UTS2B: variants seen among roughly 807,000 people sequenced by gnomAD.
The protein encoded by UTS2B is urotensin 2B, also known as urotensin-2B.
UTS2B carries 21 observed loss-of-function variants against 19.2 expected under a neutral mutation model. The observed-to-expected ratio is 1.09, with a 90% CI of 0.78 to 1.58. The LOEUF is 1.58. UTS2B is among the 40% of genes most tolerant of loss of function. The probability of loss-of-function intolerance (pLI) is 0.00; values close to 1 mark genes in which losing one functional copy is unlikely to be tolerated. For missense variants in UTS2B, 138 were observed against 130.3 expected (o/e 1.06, Z -0.29); for synonymous variants, 57 against 50.2 (o/e 1.14, Z -0.58).
Position 191,279,549 on chromosome 3 carries a change from T to G in UTS2B, c.104-1379A>C, listed in dbSNP as rs9290983. 1.0e-2 allele frequency among the ~76,000 whole-genome samples: 1,516 copies of G among 152,150 alleles called. 22 individuals are homozygous for G. Among genetic ancestry groups the G allele is most frequent in the African/African-American group, 0.034 (1,399 of 41,552 alleles). On this transcript the variant is annotated intron_variant, in intron 5 of 8. Transcript: ENST00000340524. ...CATTACCTTCAATTTAGAAAATGTA[T>G]ATGACTAAGAGTAATGTAACTAGAA...
chr3:191,330,684 T>C (rs1717950639), upstream of UTS2B: 1 of 152,204 alleles, frequency 6.6e-6, no homozygotes, highest in South Asian at 2.1e-4. Context: ...GTCTTGGAGA[T>C]GTGGAATTGA....
At chr3:191,301,676 A>G (rs1717006355) in intron 4 of UTS2B, among the ~76,000 whole-genome samples, 1 of 150,868 alleles carries the variant, frequency 6.6e-6, no homozygotes, top group African/African-American at 2.4e-5. Context: ...TTTTTAGTAG[A>G]GACGGGGTTT....
At chr3:191,276,443 G>T (rs1055783978) in intron 7 of UTS2B, among the ~76,000 whole-genome samples, 5 of 152,138 alleles carry the variant, frequency 3.3e-5, no homozygotes, top group Non-Finnish European at 5.9e-5. Context: ...GGGGAAAAAA[G>T]ATTCCCACTG....
intron 4 of UTS2B, among the ~76,000 whole-genome samples, chr3:191,290,788 C>T (rs1474414949): frequency 6.6e-6 from 1 of 152,166 alleles, no homozygotes; most frequent in Non-Finnish European, 1.5e-5. Flanking sequence ...CTTTAAGATT[C>T]ACTTGCATCT....
At chr3:191,310,897 ATATAT>A (rs1166243104) in intron 3 of UTS2B, among the ~76,000 whole-genome samples, 6 of 152,272 alleles carry the variant, frequency 3.9e-5, no homozygotes, top group African/African-American at 1.2e-4. Context: ...TTCCTTCGAA[ATATAT>A]TATTTATTTG....
At chr3:191,295,031 A>AAAC (rs72344345) in intron 4 of UTS2B, among the ~76,000 whole-genome samples, 24 of 151,214 alleles carry the variant, frequency 1.6e-4, no homozygotes, top group East Asian at 2.0e-4. Context: ...ACTCCGTCTT[A>AAAC]AACAACAACA....
intron 3 of UTS2B, among the ~76,000 whole-genome samples, chr3:191,306,140 G>A (rs893800806): frequency 6.6e-6 from 1 of 152,068 alleles, no homozygotes; most frequent in Admixed American, 6.6e-5. Context: ...GGATTGCTGT[G>A]GCTATTCGGG....
chr3:191,338,074 G>C, the UTS2B span, among the ~76,000 whole-genome samples: 2 of 152,036 alleles, frequency 1.3e-5, no homozygotes, highest in Non-Finnish European at 2.9e-5. Context: ...TAAAGGCTTA[G>C]TCATTTTCCA....
intron 7 of UTS2B, 58 bp from the exon 8 acceptor site, chr3:191,275,403 G>A (rs1005407577): frequency 4.4e-5 from 63 of 1,423,040 alleles, no homozygotes; most frequent in Admixed American, 8.4e-5. Flanking sequence ...GCTGTTGACC[G>A]GGCGCGGTGG....
chr3:191,345,126 C>G, the UTS2B span, among the ~76,000 whole-genome samples: 1 of 152,206 alleles, frequency 6.6e-6, no homozygotes, highest in Non-Finnish European at 1.5e-5. Context: ...AGAAAGGAAG[C>G]TTAACTTGAG....
intron 1 of UTS2B, chr3:191,329,591 C>T (rs1717874066): frequency 6.9e-7 from 1 of 1,455,336 alleles, no homozygotes; most frequent in Admixed American, 2.0e-5. Context: ...GCGTCCGGCG[C>T]TGCTGCTGCG....
chr3:191,289,389 A>T (rs867241762), intron 4 of UTS2B, among the ~76,000 whole-genome samples: 2 of 150,464 alleles, frequency 1.3e-5, no homozygotes, highest in African/African-American at 4.9e-5. Context: ...GGCCTGGGCA[A>T]CAGACCAAGA....
At position 191,267,281 on chromosome 3, in the gene UTS2B, T is replaced by C. The variant is rs1024517491; in HGVS notation, c.*1135A>G. ...ACAATAGATACAGCATTTTCAACTC[T>C]AGCTCTACAAAACCATTTTGATAGT... On this transcript the variant is annotated 3_prime_UTR_variant, in exon 9 of 9. Coordinates refer to ENST00000340524, the MANE Select transcript of UTS2B (RefSeq NM_198152.5). The C allele has an allele frequency of 5.3e-5, 8 of 152,228 alleles. No homozygotes were observed. The highest frequency in any genetic ancestry group is 1.9e-4 in the African/African-American group (8 of 41,460). 9.4% of individuals were successfully genotyped at this position (152,228 alleles called of 1,614,324 possible). A position where few individuals can be genotyped will look rare whatever the true frequency, so the allele number is the denominator to read the frequency against.
intron 8 of UTS2B, among the ~76,000 whole-genome samples, chr3:191,274,425 C>T (rs1452193286): frequency 6.6e-6 from 1 of 152,144 alleles, no homozygotes; most frequent in East Asian, 1.9e-4. Flanking sequence ...AGATTATTAT[C>T]ATTATCCGCA....
At chr3:191,279,201 C>T (rs1431508612) in intron 5 of UTS2B, among the ~76,000 whole-genome samples, 1 of 151,868 alleles carries the variant, frequency 6.6e-6, no homozygotes, top group African/African-American at 2.4e-5. Flanking sequence ...CTACATTAAC[C>T]AAAGATACCT....
chr3:191,305,934 C>T (rs543189817), intron 3 of UTS2B, among the ~76,000 whole-genome samples: 54 of 151,928 alleles, frequency 3.6e-4, no homozygotes, highest in African/African-American at 1.2e-3. Context: ...TTCCCCGTTG[C>T]TTTTTTTTGG....
intron 4 of UTS2B, among the ~76,000 whole-genome samples, chr3:191,289,434 AT>A: frequency 4.1e-5 from 6 of 145,038 alleles, no homozygotes; most frequent in Non-Finnish European, 9.2e-5. Context: ...AAATAAATAA[AT>A]AAATAAATAA....
chr3:191,329,484 C>T (rs1291304842), intron 1 of UTS2B: 4 of 514,822 alleles, frequency 7.8e-6, no homozygotes, highest in South Asian at 6.4e-5. Context: ...AGCTTGGTGC[C>T]TCGGGGACCG....
chr3:191,273,351 C>A, intron 8 of UTS2B: 1 of 399,694 alleles, frequency 2.5e-6, no homozygotes, highest in Non-Finnish European at 5.1e-6. Flanking sequence ...GCAGTGCTCA[C>A]CAAGTACTAT....
Sources: gnomAD v4.1 joint callset for allele counts (sites outside exome capture counted in the v4.1 genomes callset) on GRCh38, gnomAD v4.1.1 for gene constraint, MANE v1.5 for transcripts, NCBI Gene and HGNC (gene_info 2026-07-23, HGNC 2026-07-21) for gene names.